Variants in KIAA1217 observed in about 807,000 individuals in gnomAD.
KIAA1217 encodes the protein KIAA1217, also known as sickle tail protein homolog.
A neutral mutation model predicts 163.9 loss-of-function variants in KIAA1217; 88 were observed. The ratio of observed to expected loss-of-function variants is 0.54; its 90% confidence interval spans 0.45 to 0.64. The LOEUF is 0.64. Among genes scored for constraint, KIAA1217 ranks in the 30% least tolerant of loss-of-function variants. The pLI, the probability that KIAA1217 is intolerant of heterozygous loss-of-function variation, is 0.00. For missense variants in KIAA1217, 2,372 were observed against 2,475.0 expected (o/e 0.96, Z 0.88); for synonymous variants, 903 against 923.1 (o/e 0.98, Z 0.39).
chr10:24,004,072 C>T (rs1017990685), intron 1 of KIAA1217, among the ~76,000 whole-genome samples: 3 of 152,082 alleles, frequency 2.0e-5, no homozygotes, highest in East Asian at 1.9e-4. Context: ...CTCGGCTTCC[C>T]GGTTCCAAGC....
chr10:24,085,896 A>C (rs57786340), intron 2 of KIAA1217, among the ~76,000 whole-genome samples: 42,793 of 151,798 alleles, frequency 0.28, 12,238 homozygotes, highest in African/African-American at 0.74. Context: ...TCACTTAAGC[A>C]GAGGAGGTTG....
Position 24,546,281 on chromosome 10 carries a change from G to A in KIAA1217, c.5789G>A (p.Ser1930Asn), listed in dbSNP as rs372157136. 2.3e-5 allele frequency: 37 copies of A among 1,612,710 alleles called. No homozygotes were observed. The highest frequency in any genetic ancestry group is 3.1e-5 in the Non-Finnish European group (36 of 1,179,232). The change falls in exon 21 of 21, where the codon AGT (serine) becomes AAT (asparagine). Residue 1930 changes from serine (S) to asparagine (N), a missense_variant. Physicochemically the swap from Ser to Asn is conservative, Grantham distance 46. Around this residue, in one of 3 missense-constraint regions of KIAA1217, gnomAD observed 690 missense variants for 677.5 expected, o/e 1.02. Transcript: ENST00000376454. ...ACCAGCTACAAGGCACAGAATGGAA[G>A]TTCAAGCAAAGCCACCCCATCCACA... The part of the protein sequence containing the change: ...SLTSYKAQNG[S>N]SSKATPSTAK...
At chr10:24,077,393 C>T (rs988232060) in intron 2 of KIAA1217, among the ~76,000 whole-genome samples, 1 of 152,172 alleles carries the variant, frequency 6.6e-6, no homozygotes, top group African/African-American at 2.4e-5. Flanking sequence ...CGTGTGTTCT[C>T]ATCATTCAGC....
At chr10:23,928,693 C>T (rs1420099278) in intron 1 of KIAA1217, among the ~76,000 whole-genome samples, 1 of 152,166 alleles carries the variant, frequency 6.6e-6, no homozygotes, top group East Asian at 1.9e-4. Flanking sequence ...CCAACAACCT[C>T]ATGAGGTAGA....
At chr10:23,955,451 G>A (rs1161436185) in intron 1 of KIAA1217, among the ~76,000 whole-genome samples, 4 of 152,148 alleles carry the variant, frequency 2.6e-5, no homozygotes, top group East Asian at 3.8e-4. Context: ...ATGATGCTTC[G>A]CTCCTTTTAT....
intron 2 of KIAA1217, among the ~76,000 whole-genome samples, chr10:24,248,792 A>G (rs145090068): frequency 1.1e-3 from 165 of 151,830 alleles, no homozygotes; most frequent in African/African-American, 4.0e-3. Context: ...TTGTAACTGT[A>G]TAGCTATGAT....
intron 3 of KIAA1217, among the ~76,000 whole-genome samples, chr10:24,407,734 GT>G (rs955297950): frequency 2.0e-5 from 3 of 152,136 alleles, no homozygotes; most frequent in Non-Finnish European, 4.4e-5. Flanking sequence ...TAGAGTTAGT[GT>G]TTTCGAAAGC....
intron 2 of KIAA1217, among the ~76,000 whole-genome samples, chr10:24,036,181 C>T (rs576940943): frequency 9.2e-5 from 14 of 152,266 alleles, no homozygotes; most frequent in African/African-American, 2.2e-4. Context: ...AAGCAGAATC[C>T]GGGAGCTTTA....
chr10:23,897,986 C>A (rs1841779271), intron 1 of KIAA1217, among the ~76,000 whole-genome samples: 2 of 151,852 alleles, frequency 1.3e-5, no homozygotes, highest in Non-Finnish European at 2.9e-5. Context: ...TACAAGTAGA[C>A]TTCTATTTTG....
At chr10:23,799,744 T>G (rs886480879) in intron 1 of KIAA1217, among the ~76,000 whole-genome samples, 3 of 152,160 alleles carry the variant, frequency 2.0e-5, no homozygotes, top group Admixed American at 6.5e-5. Context: ...GAAATAGAAA[T>G]TCTATTCTGT....
At chr10:24,534,617 T>C (rs1250019619) in intron 16 of KIAA1217, among the ~76,000 whole-genome samples, 2 of 152,022 alleles carry the variant, frequency 1.3e-5, no homozygotes, top group Non-Finnish European at 2.9e-5. Context: ...TGGTGGCTCA[T>C]GTCTGTAATC....
At chr10:24,545,433 T>G in intron 20 of KIAA1217, 1 of 1,295,840 alleles carries the variant, frequency 7.7e-7, no homozygotes, top group Non-Finnish European at 9.8e-7. Context: ...AACCTGTGGT[T>G]GAACTGCCCT....
intron 6 of KIAA1217, among the ~76,000 whole-genome samples, chr10:24,474,956 C>T (rs563775934): frequency 1.3e-5 from 2 of 152,322 alleles, no homozygotes; most frequent in South Asian, 2.1e-4. Context: ...CAGTGGCTTA[C>T]GCCTGTAATC....
At chr10:24,451,211 T>C (rs909667118) in intron 5 of KIAA1217, among the ~76,000 whole-genome samples, 1 of 152,174 alleles carries the variant, frequency 6.6e-6, no homozygotes, top group African/African-American at 2.4e-5. Flanking sequence ...AATGTTTCCA[T>C]AGGACAGAGC....
At chr10:24,113,835 G>C (rs138267898) in intron 2 of KIAA1217, among the ~76,000 whole-genome samples, 3 of 152,156 alleles carry the variant, frequency 2.0e-5, no homozygotes, top group Non-Finnish European at 2.9e-5. Context: ...TAGCAGAACC[G>C]TTAGCAGAAC....
chr10:24,487,725 T>TTGTTAGGGGCTC (rs1190330893), intron 6 of KIAA1217, among the ~76,000 whole-genome samples: 3 of 152,190 alleles, frequency 2.0e-5, no homozygotes, highest in African/African-American at 7.2e-5. Context: ...ATGAGCCCCT[T>TTGTTAGGGGCTC]TGTTAGGTTA....
chr10:24,402,933 C>G (rs1032153853), intron 3 of KIAA1217, among the ~76,000 whole-genome samples: 1 of 152,040 alleles, frequency 6.6e-6, no homozygotes, highest in Non-Finnish European at 1.5e-5. Context: ...GAGTTGGAGA[C>G]CAGCCTGGCC....
At chr10:24,103,669 T>C (rs927230257) in intron 2 of KIAA1217, among the ~76,000 whole-genome samples, 2 of 151,874 alleles carry the variant, frequency 1.3e-5, no homozygotes, top group Non-Finnish European at 2.9e-5. Flanking sequence ...ATTAGAGAAA[T>C]GCAAATTAAA....
At chr10:24,056,290 T>A (rs1042664941) in intron 2 of KIAA1217, among the ~76,000 whole-genome samples, 1 of 151,922 alleles carries the variant, frequency 6.6e-6, no homozygotes, top group Non-Finnish European at 1.5e-5. Context: ...ATCGCGCCAC[T>A]CCACTTCAGC....
Sources: allele counts gnomAD v4.1 joint callset (sites outside exome capture counted in the v4.1 genomes callset), GRCh38; gene constraint gnomAD v4.1.1; regional missense constraint gnomAD v4.1.1; transcripts MANE v1.5; gene names NCBI Gene and HGNC (gene_info 2026-07-23, HGNC 2026-07-21).